The following TCF3 variants were observed in gnomAD, a reference collection of about 807,000 sequenced individuals.
TCF3 encodes the protein transcription factor E2-alpha.
Under a neutral mutation model 72.3 loss-of-function variants are expected in TCF3, and 54 were observed. The ratio of observed to expected loss-of-function variants is 0.75; its 90% CI spans 0.60 to 0.94. The LOEUF is 0.94. TCF3 is among the 40% of genes least tolerant of loss of function. The pLI, the probability that TCF3 is intolerant of heterozygous loss-of-function variation, is 0.00. For synonymous variants in TCF3, 525 were observed against 412.6 expected (o/e 1.27, Z -3.30); for missense variants, 1,078 against 934.4 (o/e 1.15, Z -2.00).
rs374661924 is a variant in TCF3, at chr19:1,650,161, G to A, written c.72+16C>T. 42 of 1,559,726 alleles carry A rather than the reference G, an allele frequency of 2.7e-5. No individual in the cohort carries two copies. Among genetic ancestry groups the A allele is most frequent in the Middle Eastern group, 3.3e-4 (2 of 5,994 alleles). On this transcript the variant is annotated intron_variant, in intron 2 of 18. Transcript: ENST00000262965. ...GGCAAAGGGGTGTCGGGGGCTGGGC[G>A]GGGGTCCTGGCTCACCATGCTGAAG...
In TCF3 at chr19:1,611,781, C is replaced by T. The variant is rs1220466639; in HGVS notation, c.1891G>A (p.Gly631Arg). ...GCTGAAAGCACCATCTGGGGGTCTC[C>T]AACCACACCTGACACCTTTTCCTCT... Reference protein sequence around the residue: ...REEEKVSGVVGDPQMVLSAPH... With the variant: ...REEEKVSGVVRDPQMVLSAPH... Residue 631 changes from glycine to arginine, a missense_variant, in exon 19 of 19, where the codon GGA becomes AGA. By Grantham distance (125) the Gly-to-Arg change is moderately radical (BLOSUM62 -2). Transcript: ENST00000262965. 1 of 1,613,810 alleles carries T rather than the reference C, an allele frequency of 6.2e-7. No homozygotes were observed. Among genetic ancestry groups the T allele is most frequent in the South Asian group, 1.1e-5 (1 of 91,064 alleles).
At chr19:1,612,524 G>A (rs2061110378) in intron 18 of TCF3, 2 of 1,298,126 alleles carry the variant, frequency 1.5e-6, no homozygotes, top group African/African-American at 1.4e-5. Context: ...CCAGCTACTT[G>A]TGTTTGTGCT....
chr19:1,613,993 G>A lies in TCF3; in HGVS notation c.1822+1292C>T, dbSNP rs578217312. On this transcript the variant is annotated intron_variant, in intron 18 of 18. Coordinates refer to ENST00000262965, the MANE Select transcript of TCF3 (RefSeq NM_003200.5). ...ACTGTTGCTGCTGCCGCAGGGGTGCGGGTCCCGGCCCAGGCCTCTGTGCTG... is the reference window on the plus strand; with the variant it reads ...ACTGTTGCTGCTGCCGCAGGGGTGCAGGTCCCGGCCCAGGCCTCTGTGCTG... Among the ~76,000 whole-genome samples, 32 of 152,400 alleles carry A rather than the reference G, an allele frequency of 2.1e-4. No homozygotes were observed. In the South Asian group the frequency reaches 5.4e-3, roughly 26 times the overall value.
At chr19:1,619,604 G>C in intron 14 of TCF3, 130 bp from the exon 15 acceptor site, 2 of 1,375,106 alleles carry the variant, frequency 1.5e-6, no homozygotes, top group Non-Finnish European at 1.9e-6. Flanking sequence ...GCATATGCCA[G>C]GCATCTGGCG....
intron 11 of TCF3, among the ~76,000 whole-genome samples, 176 bp from the exon 12 acceptor site, chr19:1,621,367 T>C (rs537463782): frequency 6.6e-6 from 1 of 152,346 alleles, no homozygotes; most frequent in South Asian, 2.1e-4. Context: ...GTTGAGGCAC[T>C]GGGGACAGGC....
chr19:1,625,996 G>C (rs2062833811), intron 6 of TCF3, among the ~76,000 whole-genome samples: 1 of 152,222 alleles, frequency 6.6e-6, no homozygotes, highest in South Asian at 2.1e-4. Flanking sequence ...AAAGTACAAA[G>C]CTGCGTGGCT....
rs143576787 is a variant in TCF3 at position 1,641,034 on chromosome 19, C to T, written c.145+5321G>A. On this transcript the variant is annotated intron_variant, in intron 3 of 18. Coordinates refer to ENST00000262965, the MANE Select transcript of TCF3 (RefSeq NM_003200.5). The stretch of plus-strand genomic sequence containing the variant: ...GCATGGTGGCAGGCACCTATATTCC[C>T]AGCTACTCAGGAGGCTGAAGCAGGA... 3.9e-3 allele frequency among the ~76,000 whole-genome samples: 588 copies of T among 151,726 alleles called. 3 individuals carry two copies. The highest frequency in any genetic ancestry group is 0.013 in the African/African-American group (547 of 41,348).
At position 1,612,322 on chromosome 19, in the gene TCF3, G is replaced by A. The variant is rs549947872; in HGVS notation, c.1823-473C>T. 41 of 1,613,922 alleles carry A rather than the reference G, an allele frequency of 2.5e-5. No individual in the cohort carries two copies. In the East Asian group the frequency reaches 5.1e-4, roughly 20 times the overall value. ...TCTGGCACATGCGCCCCAGCTCCCG[G>A]AAGGCCTCGTTAATATCCCGCACGC... On this transcript the variant is annotated intron_variant, in intron 18 of 18. Transcript: ENST00000262965.
chr19:1,632,482 G>C, intron 3 of TCF3, 77 bp from the exon 4 acceptor site: 1 of 1,471,126 alleles, frequency 6.8e-7, no homozygotes, highest in Non-Finnish European at 9.3e-7. Context: ...ATCATCTCAG[G>C]GGCAAACCTC....
rs758917874 is a variant in TCF3, at chr19:1,611,712, T to C, written c.1960A>G (p.Met654Val). 3 of 1,612,848 alleles carry C rather than the reference T, an allele frequency of 1.9e-6. No individual in the cohort carries two copies. Among genetic ancestry groups the C allele is most frequent in the Middle Eastern group, 1.7e-4 (1 of 6,056 alleles). ...GTCCCACGGAGGCATACCTTTCACA[T>C]GTGCCCGGCGGGGTTGTGGGCTTCG... ...LSEAHNPAGH[M>V] is the part of the protein sequence containing the mutation. Residue 654 changes from methionine (M) to valine (V), a missense_variant, in exon 19 of 19, where the codon ATG becomes GTG. Transcript: ENST00000262965.
At chr19:1,651,185 A>G (rs1201078563) in intron 1 of TCF3, 1 of 230,208 alleles carries the variant, frequency 4.3e-6, no homozygotes, top group Non-Finnish European at 8.6e-6. Context: ...GTACAGAGAA[A>G]AATTTCCATT....
intron 8 of TCF3, among the ~76,000 whole-genome samples, chr19:1,623,022 G>A (rs1171142434): frequency 6.6e-6 from 1 of 152,180 alleles, no homozygotes; most frequent in East Asian, 1.9e-4. Context: ...CAGAGAAAGT[G>A]CACCCTGGGG....
At chr19:1,617,543 G>C (rs2061678629) in intron 16 of TCF3, among the ~76,000 whole-genome samples, 1 of 152,228 alleles carries the variant, frequency 6.6e-6, no homozygotes. Flanking sequence ...GAATCAGTCA[G>C]GGCTCACATG....
Position 1,619,130 on chromosome 19 carries a change from C to T in TCF3, c.1431G>A (p.Arg477=). 4.4e-6 allele frequency: 7 copies of T among 1,599,700 alleles called. No individual in the cohort carries two copies. Among genetic ancestry groups the T allele is most frequent in the Non-Finnish European group, 5.9e-6 (7 of 1,179,748 alleles). ...SQPGTLPDLS[R]PPDSYSGLGR... is the part of the protein sequence containing the mutation. ...GCTTACCACTGTAGGAGTCGGGAGGCCGAGACAGGTCAGGGAGGGTGCCTG... is the reference window on the plus strand; with the variant it reads ...GCTTACCACTGTAGGAGTCGGGAGGTCGAGACAGGTCAGGGAGGGTGCCTG... Residue 477 remains arginine, a synonymous_variant, in exon 16 of 19, where the codon CGG becomes CGA. Transcript: ENST00000262965.
At position 1,614,132 on chromosome 19, in the gene TCF3, TGAA is replaced by T. The variant is rs1568324192; in HGVS notation, c.1822+1150_1822+1152del. On this transcript the variant is annotated intron_variant, in intron 18 of 18. Coordinates refer to ENST00000262965, the MANE Select transcript of TCF3 (RefSeq NM_003200.5). The surrounding 1 kb of genome is among the most constrained non-coding windows in gnomAD (Gnocchi z 5.6). ...TAGGTTGTGGTGAAGATGAAATGGG[TGAA>T]GGTCTGGCCCAGTGCCCAGCATGCC... Among the ~76,000 whole-genome samples the T allele has an allele frequency of 1.3e-5, 2 of 152,130 alleles. No individual in the cohort carries two copies. The highest frequency in any genetic ancestry group is 2.9e-5 in the Non-Finnish European group (2 of 67,994).
chr19:1,644,082 C>G (rs986211876), intron 3 of TCF3, among the ~76,000 whole-genome samples: 5 of 152,200 alleles, frequency 3.3e-5, no homozygotes, highest in Non-Finnish European at 5.9e-5. Context: ...CTGATGAGCC[C>G]CAAACTCCCC....
chr19:1,627,554 T>A, intron 5 of TCF3, 128 bp from the exon 6 acceptor site: 2 of 821,260 alleles, frequency 2.4e-6, no homozygotes, highest in Non-Finnish European at 2.0e-6. Flanking sequence ...CACGGCAGGA[T>A]GCTGGCAGAG....
rs926578423 is a variant in TCF3, at chr19:1,645,973, G to A, written c.145+382C>T. On this transcript the variant is annotated intron_variant, in intron 3 of 18. Coordinates refer to ENST00000262965, the MANE Select transcript of TCF3 (RefSeq NM_003200.5). Reference sequence around the variant, plus strand: ...GGGATCCAGTGAGAGCCGGGATCCCGCACCACGCCCTCTCCAGAGCCTCAG... The same window carrying A: ...GGGATCCAGTGAGAGCCGGGATCCCACACCACGCCCTCTCCAGAGCCTCAG... 4.6e-5 allele frequency among the ~76,000 whole-genome samples: 7 copies of A among 151,996 alleles called. No individual in the cohort carries two copies. The East Asian group carries it at 7.7e-4, about 17-fold the overall frequency.
chr19:1,646,173 C>T (rs2066061208), intron 3 of TCF3, among the ~76,000 whole-genome samples, 182 bp downstream of exon 3: 1 of 152,180 alleles, frequency 6.6e-6, no homozygotes, highest in Non-Finnish European at 1.5e-5. Context: ...CAAGGCAGGT[C>T]ACACGGGCAA....
Sources: gnomAD v4.1 joint callset for allele counts (sites outside exome capture counted in the v4.1 genomes callset) on GRCh38, gnomAD v4.1.1 for gene constraint, Gnocchi (gnomAD v3.1) non-coding constraint, MANE v1.5 for transcripts, NCBI Gene and HGNC (gene_info 2026-07-23, HGNC 2026-07-21) for gene names.